The following ME3 variants were observed in gnomAD, a reference collection of about 807,000 sequenced individuals.
The protein encoded by ME3 is NADP-dependent malic enzyme, mitochondrial.
ME3 carries 48 observed loss-of-function variants against 68.9 expected under a neutral mutation model. The observed-to-expected ratio is 0.70, with a 90% confidence interval of 0.55 to 0.89. The LOEUF is 0.89. ME3 is among the 40% of genes least tolerant of loss of function. The pLI, the probability that ME3 is intolerant of heterozygous loss-of-function variation, is 0.00. For missense variants in ME3, 675 were observed against 797.4 expected (o/e 0.85, Z 1.85); for synonymous variants, 320 against 318.8 (o/e 1.00, Z -0.04).
intron 2 of ME3, among the ~76,000 whole-genome samples, chr11:86,625,518 T>G (rs1943608895): frequency 6.6e-6 from 1 of 152,148 alleles, no homozygotes; most frequent in Non-Finnish European, 1.5e-5. Flanking sequence ...AGACCTGGGT[T>G]TGAATCCCAG....
At chr11:86,517,640 C>T (rs1051857521) in intron 4 of ME3, among the ~76,000 whole-genome samples, 3 of 152,112 alleles carry the variant, frequency 2.0e-5, no homozygotes, top group African/African-American at 7.2e-5. Context: ...TTCAACAGAC[C>T]TCTGGCAATG....
intron 4 of ME3, among the ~76,000 whole-genome samples, chr11:86,548,901 C>T (rs1956519236): frequency 6.6e-6 from 1 of 152,214 alleles, no homozygotes; most frequent in African/African-American, 2.4e-5. Flanking sequence ...TTCCGATGGT[C>T]TCTGTTCACT....
intron 4 of ME3, among the ~76,000 whole-genome samples, chr11:86,529,658 C>T (rs1252752176): frequency 2.0e-5 from 3 of 152,190 alleles, no homozygotes; most frequent in Non-Finnish European, 4.4e-5. Flanking sequence ...GCTTATCCAC[C>T]ATGATCAAGT....
intron 2 of ME3, among the ~76,000 whole-genome samples, chr11:86,595,306 TAGAGAG>T (rs34224480): frequency 0.12 from 9,460 of 79,730 alleles, 1,085 homozygotes; most frequent in Admixed American, 0.2. Flanking sequence ...TATATATATA[TAGAGAG>T]AGAGAGAGAG....
At chr11:86,559,204 A>T (rs985861393) in intron 3 of ME3, among the ~76,000 whole-genome samples, 2 of 152,066 alleles carry the variant, frequency 1.3e-5, no homozygotes. Flanking sequence ...CCTCCAACAA[A>T]TGACATCTAG....
intron 13 of ME3, among the ~76,000 whole-genome samples, chr11:86,444,097 G>A (rs1949153992): frequency 6.6e-6 from 1 of 152,200 alleles, no homozygotes; most frequent in African/African-American, 2.4e-5. Context: ...TATAGTGGGT[G>A]AGTGCAATGA....
chr11:86,535,873 A>G (rs1042931782), intron 4 of ME3, among the ~76,000 whole-genome samples: 1 of 152,162 alleles, frequency 6.6e-6, no homozygotes, highest in African/African-American at 2.4e-5. Flanking sequence ...AACTTCTTCT[A>G]TCTATCCACT....
At chr11:86,462,457 G>T in intron 8 of ME3, 1 of 631,842 alleles carries the variant, frequency 1.6e-6, no homozygotes, top group Non-Finnish European at 2.0e-6. Flanking sequence ...ACTGTGTGGG[G>T]CATTGGCACC....
At position 86,540,857 on chromosome 11, in the gene ME3, G is replaced by A. The variant is rs139078436; in HGVS notation, c.467+15696C>T. Among the ~76,000 whole-genome samples the A allele has an allele frequency of 1.1e-3, 174 of 152,288 alleles. 4 individuals carry two copies. In the East Asian group the frequency reaches 0.031, roughly 28 times the overall value. On this transcript the variant is annotated intron_variant, in intron 4 of 14. Coordinates refer to ENST00000543262, the Ensembl canonical transcript of ME3. Reference sequence around the variant, plus strand: ...TACTGAAGTGGCTGGCAAGATGGCCGAATAGGAACAGCTCCAGTCTGTAGC... The same window carrying A: ...TACTGAAGTGGCTGGCAAGATGGCCAAATAGGAACAGCTCCAGTCTGTAGC...
intron 7 of ME3, among the ~76,000 whole-genome samples, chr11:86,483,288 CAG>C (rs1377279538): frequency 1.3e-5 from 2 of 152,140 alleles, no homozygotes; most frequent in Non-Finnish European, 2.9e-5. Flanking sequence ...TGAAGTGACA[CAG>C]AGAATGAATG....
At chr11:86,484,265 C>T (rs891263373) in intron 7 of ME3, among the ~76,000 whole-genome samples, 1 of 140,338 alleles carries the variant, frequency 7.1e-6, no homozygotes, top group Non-Finnish European at 1.7e-5. Flanking sequence ...GTCAACATTT[C>T]CCAAGGTTCT....
At chr11:86,532,074 T>G (rs955223676) in intron 4 of ME3, among the ~76,000 whole-genome samples, 12 of 152,000 alleles carry the variant, frequency 7.9e-5, no homozygotes, top group Non-Finnish European at 1.3e-4. Flanking sequence ...CAGGGTTAGT[T>G]ATATCAGACA....
intron 2 of ME3, among the ~76,000 whole-genome samples, chr11:86,665,243 T>G (rs962202487): frequency 1.1e-4 from 16 of 152,270 alleles, no homozygotes; most frequent in African/African-American, 3.9e-4. Context: ...AAGTAAGCAG[T>G]TAGATAGCAT....
At chr11:86,590,126 C>T (rs1398679212) in intron 2 of ME3, among the ~76,000 whole-genome samples, 1 of 152,164 alleles carries the variant, frequency 6.6e-6, no homozygotes, top group Non-Finnish European at 1.5e-5. Flanking sequence ...TAGACAGTAT[C>T]AAAGGGGAGT....
chr11:86,437,999 G>T (rs1166328685), downstream of ME3, among the ~76,000 whole-genome samples: 2 of 152,086 alleles, frequency 1.3e-5, no homozygotes, highest in Admixed American at 1.3e-4. Flanking sequence ...CATTGCACTG[G>T]CTAAACACCC....
intron 14 of ME3, 98 bp from the exon 15 acceptor site, chr11:86,441,538 G>A: frequency 1.7e-6 from 2 of 1,186,194 alleles, no homozygotes; most frequent in Admixed American, 2.5e-5. Flanking sequence ...ACACCTTAAG[G>A]AACCAGACTT....
chr11:86,472,924 A>T (rs1161421963), intron 7 of ME3, among the ~76,000 whole-genome samples: 2 of 152,200 alleles, frequency 1.3e-5, no homozygotes, highest in African/African-American at 4.8e-5. Flanking sequence ...GATAAGGCGG[A>T]GTTGGCACAT....
chr11:86,629,360 G>A (rs1193036504), intron 2 of ME3, among the ~76,000 whole-genome samples: 1 of 127,098 alleles, frequency 7.9e-6, no homozygotes, highest in African/African-American at 3.2e-5. Context: ...TCTTAAAGAA[G>A]CCCTTAACTT....
chr11:86,484,467 C>G (rs1474802496), intron 7 of ME3, among the ~76,000 whole-genome samples: 1 of 152,186 alleles, frequency 6.6e-6, no homozygotes, highest in Non-Finnish European at 1.5e-5. Flanking sequence ...ATCATGTTTT[C>G]TGTTTAATGA....
Sources: allele counts gnomAD v4.1 joint callset (sites outside exome capture counted in the v4.1 genomes callset), GRCh38; gene constraint gnomAD v4.1.1; transcripts MANE v1.5; gene names NCBI Gene and HGNC (gene_info 2026-07-23, HGNC 2026-07-21).